LRP1B: variants seen among roughly 807,000 people sequenced by gnomAD.
The protein encoded by LRP1B is LDL receptor related protein 1B, also known as low-density lipoprotein receptor-related protein 1B.
A neutral mutation model predicts 556.6 loss-of-function variants in LRP1B; 217 were observed. The ratio of observed to expected loss-of-function variants is 0.39; its 90% CI spans 0.35 to 0.44. LRP1B has a LOEUF of 0.44. Ranked by LOEUF, LRP1B falls within the 20% of genes least tolerant of loss-of-function variation. The pLI is 1.00. For synonymous variants in LRP1B, 2,047 were observed against 1,865.8 expected, an observed-to-expected ratio of 1.10 and a Z score of -2.50; for missense variants, 5,053 against 5,620.8, an observed-to-expected ratio of 0.90 and a Z score of 3.23.
intron 2 of LRP1B, among the ~76,000 whole-genome samples, chr2:141,501,983 T>C (rs1683731244): frequency 1.3e-5 from 2 of 152,132 alleles, no homozygotes; most frequent in African/African-American, 4.8e-5. Context: ...CCTAACCTCA[T>C]GATCTAACCT....
chr2:141,639,284 C>T (rs1689221648), intron 2 of LRP1B, among the ~76,000 whole-genome samples: 1 of 125,674 alleles, frequency 8.0e-6, no homozygotes, highest in South Asian at 2.8e-4. Context: ...TTGCTGGACC[C>T]AGGAGTACGC....
chr2:141,412,278 CTTAAG>C (rs1434282891), intron 3 of LRP1B, among the ~76,000 whole-genome samples: 2 of 152,164 alleles, frequency 1.3e-5, no homozygotes, highest in Admixed American at 1.3e-4. Context: ...AAGTCATTTT[CTTAAG>C]TTAATCAGAT....
chr2:141,289,564 C>CAT (rs1237676379), intron 3 of LRP1B, among the ~76,000 whole-genome samples: 3 of 152,040 alleles, frequency 2.0e-5, no homozygotes, highest in Non-Finnish European at 4.4e-5. Context: ...AATATTGAGG[C>CAT]ATATATATAT....
At chr2:141,762,242 T>G (rs16847075) in intron 2 of LRP1B, among the ~76,000 whole-genome samples, 110 of 152,054 alleles carry the variant, frequency 7.2e-4, no homozygotes, top group Non-Finnish European at 1.1e-3. Context: ...CTGTTGAGTA[T>G]TTCAATAAGC....
chr2:140,491,242 T>C (rs1270378816), intron 57 of LRP1B, among the ~76,000 whole-genome samples: 2 of 152,184 alleles, frequency 1.3e-5, no homozygotes, highest in Non-Finnish European at 2.9e-5. Flanking sequence ...AATATTGTTC[T>C]ATATTAGTTA....
rs1375847558 is a variant in LRP1B, at chr2:140,345,875, TATA to T, written c.11892+4919_11892+4921del. 9.3e-4 allele frequency among the ~76,000 whole-genome samples: 135 copies of T among 145,758 alleles called. 3 individuals carry two copies. The highest frequency in any genetic ancestry group is 3.2e-3 in the African/African-American group (127 of 40,244). ...ACACACACACACATATATATATATATATAAAAAAAATAGCATTACTTCTTTCTC... is the reference window on the plus strand; with the variant it reads ...ACACACACACACATATATATATATATAAAAAAATAGCATTACTTCTTTCTC... On this transcript the variant is annotated intron_variant, in intron 77 of 90. Coordinates refer to ENST00000389484, the MANE Select transcript of LRP1B (RefSeq NM_018557.3).
intron 41 of LRP1B, among the ~76,000 whole-genome samples, chr2:140,618,707 T>C (rs1342456623): frequency 4.6e-5 from 7 of 152,086 alleles, no homozygotes; most frequent in Non-Finnish European, 7.4e-5. Flanking sequence ...GTTTATTTCC[T>C]AGCTGATGAG....
chr2:142,044,187 A>G (rs1003751000), intron 1 of LRP1B, among the ~76,000 whole-genome samples: 2 of 151,770 alleles, frequency 1.3e-5, no homozygotes, highest in Non-Finnish European at 2.9e-5. Flanking sequence ...CTGGTACTAC[A>G]AGACACAACA....
intron 17 of LRP1B, among the ~76,000 whole-genome samples, chr2:140,985,416 A>T (rs1696890316): frequency 6.7e-6 from 1 of 149,604 alleles, no homozygotes; most frequent in African/African-American, 2.5e-5. Flanking sequence ...GAGAAGAGCA[A>T]ATATTATGTA....
At chr2:141,278,957 T>C (rs539267019) in intron 3 of LRP1B, among the ~76,000 whole-genome samples, 9 of 152,130 alleles carry the variant, frequency 5.9e-5, no homozygotes, top group Non-Finnish European at 1.2e-4. Context: ...AAACACTTGG[T>C]TCCGTTTTAT....
chr2:140,806,557 C>A (rs143108443), intron 32 of LRP1B, among the ~76,000 whole-genome samples: 1 of 152,090 alleles, frequency 6.6e-6, no homozygotes, highest in Non-Finnish European at 1.5e-5. Flanking sequence ...CCTTATAGGG[C>A]CCAGGGCTCA....
chr2:141,160,100 T>C (rs1008817752), intron 7 of LRP1B, among the ~76,000 whole-genome samples: 1 of 151,210 alleles, frequency 6.6e-6, no homozygotes, highest in African/African-American at 2.4e-5. Context: ...ATGTATCCCA[T>C]TTCTTATTTT....
At chr2:140,748,381 A>G (rs1427754348) in intron 35 of LRP1B, among the ~76,000 whole-genome samples, 18 of 22,872 alleles carry the variant, frequency 7.9e-4, no homozygotes, top group South Asian at 3.1e-3. Flanking sequence ...ATGTATATAT[A>G]TTCATATATT....
At chr2:141,117,296 T>A (rs1700930566) in intron 7 of LRP1B, among the ~76,000 whole-genome samples, 1 of 151,618 alleles carries the variant, frequency 6.6e-6, no homozygotes, top group African/African-American at 2.4e-5. Context: ...TGAGTTTAAA[T>A]ACTACTGTTC....
intron 60 of LRP1B, among the ~76,000 whole-genome samples, chr2:140,468,958 T>C (rs1366036084): frequency 6.6e-6 from 1 of 152,210 alleles, no homozygotes; most frequent in African/African-American, 2.4e-5. Flanking sequence ...AGGAGAACGA[T>C]AAATCATATC....
intron 1 of LRP1B, among the ~76,000 whole-genome samples, chr2:142,084,066 G>T (rs528170839): frequency 1.5e-3 from 225 of 149,722 alleles, no homozygotes; most frequent in Non-Finnish European, 2.8e-3. Context: ...TGCAACCTCC[G>T]CCTCCTGGAT....
chr2:142,066,288 A>G (rs1420689862), intron 1 of LRP1B, among the ~76,000 whole-genome samples: 2 of 116,306 alleles, frequency 1.7e-5, no homozygotes, highest in African/African-American at 6.1e-5. Context: ...TTTTTGTTTA[A>G]CAGTTCTTTG....
rs1040233860 is a variant in LRP1B at position 140,632,907 on chromosome 2, C to G, written c.6800-31268G>C. 1.4e-4 allele frequency among the ~76,000 whole-genome samples: 21 copies of G among 151,660 alleles called. No homozygotes were observed. In the East Asian group the frequency reaches 4.1e-3, roughly 30 times the overall value. On this transcript the variant is annotated intron_variant, in intron 41 of 90. Transcript: ENST00000389484. ...TGAAACCCTGTCTCCACTAAAAATA[C>G]AAAAAATTAGCCTGGCGTGATGGCA...
intron 2 of LRP1B, among the ~76,000 whole-genome samples, chr2:141,590,559 A>G (rs1247450782): frequency 2.0e-5 from 3 of 152,120 alleles, no homozygotes; most frequent in Non-Finnish European, 4.4e-5. Flanking sequence ...TAGGCAAGAA[A>G]GGGTATCATT....
Sources: gnomAD v4.1 joint callset for allele counts (sites outside exome capture counted in the v4.1 genomes callset) on GRCh38, gnomAD v4.1.1 for gene constraint, MANE v1.5 for transcripts, NCBI Gene and HGNC (gene_info 2026-07-23, HGNC 2026-07-21) for gene names.